The following ST7 variants were observed in gnomAD, a reference collection of about 807,000 sequenced individuals.
ST7 encodes suppressor of tumorigenicity 7 protein.
ST7 carries 28 observed loss-of-function variants against 78.7 expected under a neutral mutation model. The ratio of observed to expected loss-of-function variants is 0.36; its 90% CI spans 0.26 to 0.49. The LOEUF is 0.49. ST7 is among the 20% of genes least tolerant of loss of function. The probability of loss-of-function intolerance (pLI) is 0.99; values close to 1 mark genes in which losing one functional copy is unlikely to be tolerated. For missense variants in ST7, 418 were observed against 696.0 expected, an observed-to-expected ratio of 0.60 and a Z score of 4.49; for synonymous variants, 247 against 249.6, an observed-to-expected ratio of 0.99 and a Z score of 0.10.
intron 9 of ST7, among the ~76,000 whole-genome samples, chr7:117,166,037 C>G (rs967667451): frequency 6.6e-6 from 1 of 152,074 alleles, no homozygotes; most frequent in Admixed American, 6.5e-5. Flanking sequence ...CTAAAAATGG[C>G]TGTCCCCCTC....
chr7:117,109,522 T>A (rs898885427), intron 2 of ST7, among the ~76,000 whole-genome samples: 3 of 151,930 alleles, frequency 2.0e-5, no homozygotes, highest in Non-Finnish European at 4.4e-5. Flanking sequence ...AGGAAGAAAT[T>A]GAAAGTCTGA....
chr7:117,226,566 A>G (rs1470990911), intron 15 of ST7, among the ~76,000 whole-genome samples: 1 of 152,226 alleles, frequency 6.6e-6, no homozygotes, highest in African/African-American at 2.4e-5. Flanking sequence ...GCAGAAATAC[A>G]ACTGAGCATC....
chr7:117,018,876 T>C (rs1312118010), intron 1 of ST7, among the ~76,000 whole-genome samples: 1 of 152,244 alleles, frequency 6.6e-6, no homozygotes, highest in Non-Finnish European at 1.5e-5. Context: ...CATCATCAAA[T>C]GTTCTTCTTA....
intron 9 of ST7, among the ~76,000 whole-genome samples, chr7:117,146,957 A>G (rs1805841520): frequency 1.3e-5 from 2 of 152,184 alleles, no homozygotes; most frequent in South Asian, 4.1e-4. Flanking sequence ...GATCCCTCTT[A>G]AAATATAGTT....
intron 6 of ST7, among the ~76,000 whole-genome samples, chr7:117,133,569 C>G (rs1804536677): frequency 6.8e-6 from 1 of 147,500 alleles, no homozygotes; most frequent in Non-Finnish European, 1.5e-5. Flanking sequence ...TGTTGTTTGT[C>G]TTTTTTTTTT....
chr7:116,996,892 A>T (rs1472358471), intron 1 of ST7, among the ~76,000 whole-genome samples: 1 of 152,246 alleles, frequency 6.6e-6, no homozygotes, highest in East Asian at 1.9e-4. Context: ...AAAGGATTCG[A>T]TAGCCAGTAG....
At chr7:116,987,326 C>T (rs999101526) in intron 1 of ST7, among the ~76,000 whole-genome samples, 3 of 152,166 alleles carry the variant, frequency 2.0e-5, no homozygotes, top group Non-Finnish European at 2.9e-5. Context: ...GTTTGAGGCA[C>T]AGGAGTAGAC....
intron 1 of ST7, among the ~76,000 whole-genome samples, chr7:116,988,227 A>G (rs998368710): frequency 6.6e-6 from 1 of 152,194 alleles, no homozygotes; most frequent in Admixed American, 6.5e-5. Flanking sequence ...TCTCAGCTAC[A>G]TTAGTTGCTT....
intron 1 of ST7, among the ~76,000 whole-genome samples, chr7:117,052,736 T>A (rs986015616): frequency 1.3e-5 from 2 of 152,082 alleles, no homozygotes; most frequent in South Asian, 2.1e-4. Context: ...CTACTAAAAA[T>A]ACAAAAAATT....
At chr7:117,172,713 T>G (rs1808089070) in intron 10 of ST7, among the ~76,000 whole-genome samples, 1 of 152,242 alleles carries the variant, frequency 6.6e-6, no homozygotes, top group Non-Finnish European at 1.5e-5. Context: ...TTCAGTCCCA[T>G]GGCCATGGGT....
intron 15 of ST7, 49 bp from the exon 16 acceptor site, chr7:117,229,713 C>T: frequency 6.6e-7 from 1 of 1,513,166 alleles, no homozygotes; most frequent in South Asian, 1.2e-5. Context: ...GTTTTATAGT[C>T]TTGAACAAGG....
At chr7:116,958,695 A>G (rs749036012) in intron 1 of ST7, 81 of 471,032 alleles carry the variant, frequency 1.7e-4, no homozygotes, top group Non-Finnish European at 6.6e-5. Flanking sequence ...AGTGAGTCCC[A>G]TGAAATTTTT....
At chr7:117,063,538 A>T (rs1329866993) in intron 1 of ST7, among the ~76,000 whole-genome samples, 1 of 152,046 alleles carries the variant, frequency 6.6e-6, no homozygotes, top group Non-Finnish European at 1.5e-5. Context: ...GTGAAAGCCT[A>T]TCTCTACAAA....
intron 1 of ST7, among the ~76,000 whole-genome samples, chr7:117,011,134 T>TTG (rs147299288): frequency 0.027 from 4,132 of 151,090 alleles, 186 homozygotes; most frequent in African/African-American, 0.093. Context: ...TTTAAGTATT[T>TTG]TGTGTGTGTG....
At chr7:117,161,100 G>GTT (rs201045321) in intron 9 of ST7, among the ~76,000 whole-genome samples, 3 of 144,076 alleles carry the variant, frequency 2.1e-5, no homozygotes, top group African/African-American at 7.5e-5. Context: ...GGACACTGTT[G>GTT]TTTTTTTTTT....
chr7:117,019,615 A>T (rs1274521114), intron 1 of ST7, among the ~76,000 whole-genome samples: 1 of 152,234 alleles, frequency 6.6e-6, no homozygotes, highest in Non-Finnish European at 1.5e-5. Context: ...CGTTTTTCAC[A>T]TTTGAACAAT....
chr7:117,018,874 A>T lies in ST7; in HGVS notation c.151+65183A>T, dbSNP rs527628434. Among the ~76,000 whole-genome samples, 49 of 152,354 alleles carry T rather than the reference A, an allele frequency of 3.2e-4. 2 individuals carry two copies. The South Asian group carries it at 9.5e-3, about 30-fold the overall frequency. On this transcript the variant is annotated intron_variant, in intron 1 of 15. Coordinates refer to ENST00000323984, the MANE Select transcript of ST7 (RefSeq NM_001369598.1). Reference sequence around the variant, plus strand: ...TTCTTTATCTTATTTAGCATCATCAAATGTTCTTCTTAATGGCTCAGCATT... The same window carrying T: ...TTCTTTATCTTATTTAGCATCATCATATGTTCTTCTTAATGGCTCAGCATT...
At chr7:117,130,663 G>C in intron 5 of ST7, 57 bp downstream of exon 5, 1 of 1,289,028 alleles carries the variant, frequency 7.8e-7, no homozygotes, top group South Asian at 1.3e-5. Flanking sequence ...TAAGTGTCAA[G>C]ATTTCTGCTT....
At chr7:117,015,825 G>A (rs539512928) in intron 1 of ST7, among the ~76,000 whole-genome samples, 1 of 152,122 alleles carries the variant, frequency 6.6e-6, no homozygotes, top group African/African-American at 2.4e-5. Flanking sequence ...CTGACAGATT[G>A]CTTTTAAACT....
Sources: allele counts gnomAD v4.1 joint callset (sites outside exome capture counted in the v4.1 genomes callset), GRCh38; gene constraint gnomAD v4.1.1; transcripts MANE v1.5; gene names NCBI Gene and HGNC (gene_info 2026-07-23, HGNC 2026-07-21).